The following MME variants were observed in gnomAD, a reference collection of about 807,000 sequenced individuals.
The protein encoded by MME is membrane metalloendopeptidase.
A neutral mutation model predicts 113.2 loss-of-function variants in MME; 98 were observed. The observed-to-expected ratio is 0.87, with a 90% confidence interval of 0.74 to 1.02. The LOEUF is 1.02. Among genes scored for constraint, MME ranks in the 50% least tolerant of loss-of-function variants. The pLI is 0.00. For synonymous variants in MME, 292 were observed against 300.6 expected, an observed-to-expected ratio of 0.97 and a Z score of 0.30; for missense variants, 836 against 896.0, an observed-to-expected ratio of 0.93 and a Z score of 0.86.
chr3:155,083,313 T>C (rs1715335296), intron 1 of MME, among the ~76,000 whole-genome samples: 1 of 152,220 alleles, frequency 6.6e-6, no homozygotes, highest in Non-Finnish European at 1.5e-5. Flanking sequence ...CAGTGTCCAC[T>C]TTTTGGTTTA....
In MME at chr3:155,084,326, T is replaced by C; in HGVS notation, c.159T>C (p.Asp53=). 3 of 1,614,108 alleles carry C rather than the reference T, an allele frequency of 1.9e-6. No individual in the cohort carries two copies. Among genetic ancestry groups the C allele is most frequent in the African/African-American group, 1.3e-5 (1 of 75,044 alleles). The part of the protein sequence containing the change: ...VTMIALYATY[D]DGICKSSDCI... ...TGATCGCACTCTATGCAACCTACGA[T>C]GGTGAGTTACTCCCACACCTGTGCA... Residue 53 remains aspartate, a splice_region_variant and synonymous_variant, in exon 2 of 23, where the codon GAT becomes GAC. Coordinates refer to ENST00000360490, the MANE Select transcript of MME (RefSeq NM_007289.4).
chr3:155,143,484 T>C lies in MME; in HGVS notation c.1230T>C (p.Arg410=), dbSNP rs1169398991. 6.8e-6 allele frequency: 11 copies of C among 1,612,630 alleles called. No homozygotes were observed. The highest frequency in any genetic ancestry group is 1.7e-5 in the Admixed American group (1 of 59,916). ...CCTCAGAAACAGCAACTTGGAGACG[T>C]TGTGCAAACTATGTCAATGGGAATA... ...GTTSETATWR[R]CANYVNGNME... is the part of the protein sequence containing the mutation. The change falls in exon 13 of 23, where the codon CGT becomes CGC. Residue 410 remains arginine (R), a synonymous_variant. Transcript: ENST00000360490.
chr3:155,124,991 G>A (rs2108275627), intron 8 of MME, among the ~76,000 whole-genome samples: 1 of 152,240 alleles, frequency 6.6e-6, no homozygotes, highest in South Asian at 2.1e-4. Context: ...AGCAAGCCTG[G>A]GCAATGGCAG....
intron 3 of MME, among the ~76,000 whole-genome samples, chr3:155,110,008 C>T (rs1218873139): frequency 6.6e-6 from 1 of 152,226 alleles, no homozygotes; most frequent in Non-Finnish European, 1.5e-5. Context: ...CGCGGACTCT[C>T]CAAGTCCTCA....
chr3:155,028,248 A>G (rs1350949917), intron 1 of MME, among the ~76,000 whole-genome samples: 1 of 152,226 alleles, frequency 6.6e-6, no homozygotes, highest in Non-Finnish European at 1.5e-5. Context: ...AATTGTGTTT[A>G]GTGATAAGGA....
intron 1 of MME, among the ~76,000 whole-genome samples, chr3:155,061,129 T>C (rs1381020284): frequency 6.6e-6 from 1 of 152,142 alleles, no homozygotes. Context: ...TTTTAAAAAT[T>C]GTATCAAGTT....
At chr3:155,025,931 G>A (rs1712768635) in intron 1 of MME, among the ~76,000 whole-genome samples, 1 of 151,558 alleles carries the variant, frequency 6.6e-6, no homozygotes, top group Admixed American at 6.6e-5. Context: ...CTGACCTCAA[G>A]TTATCTGCCT....
intron 8 of MME, among the ~76,000 whole-genome samples, chr3:155,130,601 A>G (rs963613765): frequency 1.3e-5 from 2 of 152,172 alleles, no homozygotes; most frequent in Non-Finnish European, 2.9e-5. Context: ...GATGACCCAG[A>G]GTCTGTGCTC....
intron 1 of MME, among the ~76,000 whole-genome samples, chr3:155,035,433 G>A (rs1162999877): frequency 6.6e-6 from 1 of 151,892 alleles, no homozygotes; most frequent in Non-Finnish European, 1.5e-5. Context: ...TCATCCATGT[G>A]ATGAAAAATC....
At chr3:155,117,676 G>T (rs1434943237) in intron 7 of MME, among the ~76,000 whole-genome samples, 3 of 141,584 alleles carry the variant, frequency 2.1e-5, no homozygotes, top group Non-Finnish European at 4.5e-5. Flanking sequence ...AATCATATCT[G>T]TGTCACTATT....
At chr3:155,104,658 A>G (rs904907784) in intron 3 of MME, among the ~76,000 whole-genome samples, 3 of 152,226 alleles carry the variant, frequency 2.0e-5, no homozygotes, top group Non-Finnish European at 4.4e-5. Context: ...CAGAAGGAAC[A>G]TGGGTGTGGA....
intron 1 of MME, among the ~76,000 whole-genome samples, chr3:155,058,079 G>C (rs557247144): frequency 6.6e-6 from 1 of 151,790 alleles, no homozygotes; most frequent in African/African-American, 2.4e-5. Context: ...CCAGTAGAGA[G>C]TCTACACAAA....
At chr3:155,142,422 A>T in intron 12 of MME, 92 bp downstream of exon 12, 1 of 1,082,488 alleles carries the variant, frequency 9.2e-7, no homozygotes, top group Middle Eastern at 2.3e-4. Flanking sequence ...GGACATGGTG[A>T]ACTTTGCAAA....
At chr3:155,097,180 G>A (rs529496769) in intron 3 of MME, among the ~76,000 whole-genome samples, 1 of 152,108 alleles carries the variant, frequency 6.6e-6, no homozygotes, top group Non-Finnish European at 1.5e-5. Context: ...TTGAGATACT[G>A]GTACATATTC....
intron 1 of MME, among the ~76,000 whole-genome samples, chr3:155,051,248 G>A (rs943027127): frequency 1.3e-5 from 2 of 152,130 alleles, no homozygotes; most frequent in Non-Finnish European, 2.9e-5. Context: ...CTCAGCAGAA[G>A]CCAAAAATTT....
chr3:155,045,915 A>G (rs1424444178), intron 1 of MME, among the ~76,000 whole-genome samples: 27 of 152,178 alleles, frequency 1.8e-4, no homozygotes, highest in African/African-American at 2.4e-5. Flanking sequence ...TCTGTTCATT[A>G]TAATTCAGTC....
intron 1 of MME, 72 bp from the exon 2 acceptor site, chr3:155,084,086 C>A: frequency 1.6e-6 from 2 of 1,279,162 alleles, no homozygotes; most frequent in Non-Finnish European, 2.3e-6. Flanking sequence ...TTTTATCCAG[C>A]CACATTAAGC....
upstream of MME, among the ~76,000 whole-genome samples, chr3:155,077,210 TA>T (rs1190653406): frequency 6.6e-6 from 1 of 152,220 alleles, no homozygotes; most frequent in African/African-American, 2.4e-5. Flanking sequence ...ATGGTGCATA[TA>T]AAAATGCACT....
At chr3:155,130,354 A>G (rs1343893557) in intron 8 of MME, among the ~76,000 whole-genome samples, 1 of 152,196 alleles carries the variant, frequency 6.6e-6, no homozygotes, top group Non-Finnish European at 1.5e-5. Flanking sequence ...TTTCAGGTCT[A>G]AAAGAAAAGT....
Sources: allele counts gnomAD v4.1 joint callset (sites outside exome capture counted in the v4.1 genomes callset), GRCh38; gene constraint gnomAD v4.1.1; transcripts MANE v1.5; gene names NCBI Gene and HGNC (gene_info 2026-07-23, HGNC 2026-07-21).